The following TRIM55 variants were observed in gnomAD, a reference collection of about 807,000 sequenced individuals.
TRIM55 encodes tripartite motif-containing protein 55.
A neutral mutation model predicts 60.9 loss-of-function variants in TRIM55; 50 were observed. That is an observed-to-expected ratio of 0.82 (90% CI 0.65 to 1.04). The LOEUF (loss-of-function observed/expected upper bound fraction) is 1.04, where lower values mean the gene tolerates loss of function less well. TRIM55 is among the 50% of genes least tolerant of loss of function. TRIM55 has a pLI of 0.00. For missense variants in TRIM55, 681 were observed against 666.9 expected (o/e 1.02, Z -0.23); for synonymous variants, 237 against 238.1 (o/e 1.00, Z 0.04).
chr8:66,153,190 T>C (rs547506232), intron 8 of TRIM55, among the ~76,000 whole-genome samples: 2 of 152,342 alleles, frequency 1.3e-5, no homozygotes, highest in African/African-American at 4.8e-5. Context: ...TTATGTATTT[T>C]TCCTTCAGTG....
chr8:66,154,028 T>G lies in TRIM55; in HGVS notation c.1237-19T>G, dbSNP rs761500431. On this transcript the variant is annotated intron_variant, in intron 8 of 9. Transcript: ENST00000315962. The stretch of plus-strand genomic sequence containing the variant: ...CTTTTTTTTTTTCTTTACTTTTGAA[T>G]TTATCTGTCCTGATTAAGGGGGAGG... 1.9e-6 allele frequency: 3 copies of G among 1,563,824 alleles called. No homozygotes were observed. The East Asian group carries it at 6.8e-5, about 35-fold the overall frequency.
chr8:66,117,245 G>A, the TRIM55 span, among the ~76,000 whole-genome samples: 1,926 of 152,338 alleles, frequency 0.013, 47 homozygotes, highest in African/African-American at 0.04. Flanking sequence ...AGGCAAGGGT[G>A]TCCATTCTGA....
intron 4 of TRIM55, among the ~76,000 whole-genome samples, chr8:66,139,234 C>T (rs936342467): frequency 1.1e-4 from 16 of 152,164 alleles, no homozygotes. Context: ...GAGCACGTTG[C>T]TTGTGGGTGA....
At chr8:66,136,851 T>G (rs532617127) in intron 3 of TRIM55, among the ~76,000 whole-genome samples, 1 of 152,322 alleles carries the variant, frequency 6.6e-6, no homozygotes, top group East Asian at 1.9e-4. Flanking sequence ...TTAGAATTCT[T>G]TAGCTTGAAC....
At chr8:66,156,004 G>A (rs1810718649) in intron 9 of TRIM55, among the ~76,000 whole-genome samples, 1 of 152,212 alleles carries the variant, frequency 6.6e-6, no homozygotes, top group South Asian at 2.1e-4. Flanking sequence ...AAACCCTCCA[G>A]AATGGTCATT....
chr8:66,165,341 C>A (rs1385127336), intron 9 of TRIM55, among the ~76,000 whole-genome samples: 1 of 152,078 alleles, frequency 6.6e-6, no homozygotes, highest in East Asian at 1.9e-4. Flanking sequence ...CCACTAGAGA[C>A]TGAGAGGTGA....
At chr8:66,163,130 T>C (rs1465432689) in intron 9 of TRIM55, among the ~76,000 whole-genome samples, 1 of 152,202 alleles carries the variant, frequency 6.6e-6, no homozygotes, top group African/African-American at 2.4e-5. Context: ...ACTGTCTTGA[T>C]TATTATAGCT....
chr8:66,129,660 A>T (rs1809028671), intron 2 of TRIM55, among the ~76,000 whole-genome samples: 1 of 152,226 alleles, frequency 6.6e-6, no homozygotes, highest in African/African-American at 2.4e-5. Flanking sequence ...CTGTTACTTT[A>T]CAGATTTGAT....
chr8:66,151,632 A>G (rs1810422875), intron 7 of TRIM55, among the ~76,000 whole-genome samples: 1 of 152,188 alleles, frequency 6.6e-6, no homozygotes, highest in Non-Finnish European at 1.5e-5. Flanking sequence ...ACTTAAGGCC[A>G]GGAGTTTGAG....
chr8:66,142,712 G>C (rs1004252480), intron 4 of TRIM55, among the ~76,000 whole-genome samples: 1 of 152,190 alleles, frequency 6.6e-6, no homozygotes, highest in African/African-American at 2.4e-5. Context: ...GAGTTTGGAA[G>C]ACCCGAGATC....
intron 9 of TRIM55, among the ~76,000 whole-genome samples, chr8:66,162,739 T>G (rs1021663498): frequency 2.6e-5 from 4 of 152,228 alleles, no homozygotes; most frequent in Non-Finnish European, 5.9e-5. Context: ...AGTAAACATT[T>G]TTAGTTTTGA....
intron 5 of TRIM55, 115 bp from the exon 6 acceptor site, chr8:66,150,102 T>C: frequency 7.9e-7 from 1 of 1,262,230 alleles, no homozygotes; most frequent in South Asian, 1.4e-5. Context: ...CAGTTATTTA[T>C]GACATTTAGA....
intron 4 of TRIM55, among the ~76,000 whole-genome samples, chr8:66,146,323 T>C (rs1160352104): frequency 2.0e-5 from 3 of 152,188 alleles, no homozygotes; most frequent in Non-Finnish European, 4.4e-5. Context: ...TGCTTGGAAT[T>C]GCAAGTAATA....
At chr8:66,115,114 GACATA>G in the TRIM55 span, 1 of 154,006 alleles carries the variant, frequency 6.5e-6, no homozygotes, top group African/African-American at 2.4e-5. Context: ...GTTCTTACAA[GACATA>G]ACACAAATCT....
the TRIM55 span, among the ~76,000 whole-genome samples, chr8:66,117,006 A>G: frequency 6.6e-6 from 1 of 152,256 alleles, no homozygotes; most frequent in Admixed American, 6.5e-5. Context: ...CTCAACATTC[A>G]AATTCATAAC....
chr8:66,149,078 A>G (rs1355041403), intron 4 of TRIM55, among the ~76,000 whole-genome samples: 4 of 152,186 alleles, frequency 2.6e-5, no homozygotes, highest in Non-Finnish European at 4.4e-5. Context: ...GAACAAAAAA[A>G]CATGATTAGA....
chr8:66,120,531 G>A, the TRIM55 span, among the ~76,000 whole-genome samples: 2 of 152,156 alleles, frequency 1.3e-5, no homozygotes, highest in Non-Finnish European at 2.9e-5. Flanking sequence ...TGAAGATTGA[G>A]ATCAGTCACA....
the TRIM55 span, among the ~76,000 whole-genome samples, chr8:66,114,031 GC>G: frequency 1.4e-5 from 2 of 148,052 alleles, no homozygotes; most frequent in East Asian, 4.1e-4. Context: ...GTAGGCGCGC[GC>G]CCGTGGCCAT....
chr8:66,127,312 A>G lies in TRIM55; in HGVS notation c.44A>G (p.Gln15Arg), dbSNP rs1437123207. 6.2e-7 allele frequency: 1 copy of G among 1,614,226 alleles called. No individual in the cohort carries two copies. Among genetic ancestry groups the G allele is most frequent in the Admixed American group, 1.7e-5 (1 of 60,026 alleles). The change falls in exon 1 of 10, where the codon CAG becomes CGG. Residue 15 changes from glutamine to arginine, a missense_variant. By Grantham distance (43) the Gln-to-Arg change is conservative. Transcript: ENST00000315962. ...TACAAATCTTTTTCCAAAGAGCAGCAGACCATGGATAACTTAGAGAAGCAA... is the reference window on the plus strand; with the variant it reads ...TACAAATCTTTTTCCAAAGAGCAGCGGACCATGGATAACTTAGAGAAGCAA... The part of the protein sequence containing the change: ...LNYKSFSKEQ[Q>R]TMDNLEKQLI...
Sources: gnomAD v4.1 joint callset for allele counts (sites outside exome capture counted in the v4.1 genomes callset) on GRCh38, gnomAD v4.1.1 for gene constraint, MANE v1.5 for transcripts, NCBI Gene and HGNC (gene_info 2026-07-23, HGNC 2026-07-21) for gene names.